The following DLEU7 variants were observed in gnomAD, a reference collection of about 807,000 sequenced individuals.
DLEU7 encodes the protein deleted in lymphocytic leukemia 7.
In DLEU7, 17 loss-of-function variants were observed where a neutral mutation model predicts 16.0. That is an observed-to-expected ratio of 1.06 (90% CI 0.73 to 1.59). DLEU7 has a LOEUF of 1.59. Among genes scored for constraint, DLEU7 ranks in the 40% most tolerant of loss-of-function variants. The pLI, the probability that DLEU7 is intolerant of heterozygous loss-of-function variation, is 0.00. For synonymous variants in DLEU7, 113 were observed against 139.8 expected, an observed-to-expected ratio of 0.81 and a Z score of 1.35; for missense variants, 308 against 314.9, an observed-to-expected ratio of 0.98 and a Z score of 0.17.
intron 1 of DLEU7, among the ~76,000 whole-genome samples, chr13:50,839,155 T>C (rs534020715): frequency 7.2e-5 from 11 of 152,366 alleles, no homozygotes; most frequent in Admixed American, 5.9e-4. Flanking sequence ...TTCAGCATGA[T>C]GTTCATAACG....
chr13:50,724,569 G>A (rs755130753), intron 1 of DLEU7, among the ~76,000 whole-genome samples: 11 of 152,294 alleles, frequency 7.2e-5, no homozygotes, highest in Non-Finnish European at 1.5e-4. Context: ...CAAGGTGAAA[G>A]TGAATTAGAG....
At chr13:50,747,342 G>T (rs1593539273) in intron 1 of DLEU7, among the ~76,000 whole-genome samples, 1 of 97,570 alleles carries the variant, frequency 1.0e-5, no homozygotes, top group East Asian at 2.7e-4. Context: ...CTGTGTGTGT[G>T]TGTGTGTGTG....
At chr13:50,729,890 G>A (rs561695775) in intron 1 of DLEU7, among the ~76,000 whole-genome samples, 1 of 151,990 alleles carries the variant, frequency 6.6e-6, no homozygotes, top group African/African-American at 2.4e-5. Flanking sequence ...GGTTGTGTGT[G>A]TTCTATAACT....
chr13:50,839,816 A>C (rs9316507), intron 1 of DLEU7, among the ~76,000 whole-genome samples: 40,501 of 152,136 alleles, frequency 0.27, 5,916 homozygotes, highest in African/African-American at 0.39. Context: ...TAATAGCTCA[A>C]ATAGATGGAG....
chr13:50,827,263 A>G (rs1877117071), intron 1 of DLEU7, among the ~76,000 whole-genome samples: 3 of 152,310 alleles, frequency 2.0e-5, no homozygotes, highest in African/African-American at 4.8e-5. Flanking sequence ...TATTCAAGAG[A>G]AAGGTGGCAA....
intron 1 of DLEU7, among the ~76,000 whole-genome samples, chr13:50,778,841 G>GA (rs1362225055): frequency 6.6e-6 from 1 of 152,140 alleles, no homozygotes; most frequent in Non-Finnish European, 1.5e-5. Flanking sequence ...TTAAATAATG[G>GA]AAAAAATTGC....
chr13:50,742,862 T>C (rs533656048), intron 1 of DLEU7, among the ~76,000 whole-genome samples: 4 of 152,120 alleles, frequency 2.6e-5, no homozygotes, highest in Non-Finnish European at 5.9e-5. Context: ...AGGTGACCCA[T>C]GGGCTGAAGT....
chr13:50,817,125 G>A (rs1876758520), intron 1 of DLEU7, among the ~76,000 whole-genome samples: 1 of 151,858 alleles, frequency 6.6e-6, no homozygotes, highest in Non-Finnish European at 1.5e-5. Context: ...TTTTTTTTAA[G>A]GAAAAAGAAA....
At chr13:50,795,202 A>G (rs533395581) in intron 1 of DLEU7, among the ~76,000 whole-genome samples, 1 of 152,260 alleles carries the variant, frequency 6.6e-6, no homozygotes, top group East Asian at 1.9e-4. Flanking sequence ...AACCCTGGAA[A>G]AGTAGCCTCT....
chr13:50,809,455 A>G (rs919589139), intron 1 of DLEU7, among the ~76,000 whole-genome samples: 2 of 152,086 alleles, frequency 1.3e-5, no homozygotes, highest in African/African-American at 4.8e-5. Context: ...CCATCAGTCA[A>G]CCTATCATCT....
intron 1 of DLEU7, among the ~76,000 whole-genome samples, chr13:50,724,348 T>TGCACACA (rs1873706917): frequency 1.3e-5 from 2 of 152,210 alleles, no homozygotes; most frequent in Admixed American, 6.5e-5. Context: ...CTTTTGTGAA[T>TGCACACA]GCACACCATA....
intron 1 of DLEU7, among the ~76,000 whole-genome samples, chr13:50,811,740 G>A (rs1281312883): frequency 2.0e-5 from 3 of 152,124 alleles, no homozygotes; most frequent in Non-Finnish European, 2.9e-5. Flanking sequence ...CCTGGATCAG[G>A]AGTTAGAAGA....
At chr13:50,725,319 C>G (rs1397702169) in intron 1 of DLEU7, among the ~76,000 whole-genome samples, 1 of 152,196 alleles carries the variant, frequency 6.6e-6, no homozygotes, top group African/African-American at 2.4e-5. Flanking sequence ...TCTTTCTGCT[C>G]TAACCTGCTT....
chr13:50,814,143 AAC>A (rs1183393508), intron 1 of DLEU7, among the ~76,000 whole-genome samples: 1 of 152,170 alleles, frequency 6.6e-6, no homozygotes, highest in African/African-American at 2.4e-5. Context: ...ATTTCACAAA[AAC>A]AGTTTTATTT....
intron 1 of DLEU7, among the ~76,000 whole-genome samples, chr13:50,729,451 A>T (rs887135532): frequency 1.3e-5 from 2 of 152,062 alleles, no homozygotes; most frequent in African/African-American, 4.8e-5. Flanking sequence ...ACCTAGGGTG[A>T]CCCCATGTCT....
intron 1 of DLEU7, among the ~76,000 whole-genome samples, chr13:50,789,964 CAG>C (rs1302740250): frequency 3.5e-5 from 5 of 140,998 alleles, no homozygotes; most frequent in African/African-American, 1.4e-4. Flanking sequence ...TTTTTTGGGA[CAG>C]AGTCTCGCTC....
At chr13:50,792,684 A>G (rs2137774899) in intron 1 of DLEU7, among the ~76,000 whole-genome samples, 1 of 152,212 alleles carries the variant, frequency 6.6e-6, no homozygotes, top group East Asian at 1.9e-4. Context: ...ACGTCATTCC[A>G]CTGTTGATAA....
At chr13:50,764,783 A>G (rs1346033393) in intron 1 of DLEU7, among the ~76,000 whole-genome samples, 1 of 152,234 alleles carries the variant, frequency 6.6e-6, no homozygotes, top group African/African-American at 2.4e-5. Flanking sequence ...TGATGAAGAT[A>G]TAACAATTAT....
chr13:50,799,406 A>G (rs952685496), intron 1 of DLEU7, among the ~76,000 whole-genome samples: 1 of 152,128 alleles, frequency 6.6e-6, no homozygotes, highest in Non-Finnish European at 1.5e-5. Flanking sequence ...CCTGTTCTCT[A>G]TTCCACTTTG....
Sources: gnomAD v4.1 joint callset for allele counts (sites outside exome capture counted in the v4.1 genomes callset) on GRCh38, gnomAD v4.1.1 for gene constraint, MANE v1.5 for transcripts, NCBI Gene and HGNC (gene_info 2026-07-23, HGNC 2026-07-21) for gene names.